PDE1A: variants seen among roughly 807,000 people sequenced by gnomAD.
PDE1A encodes phosphodiesterase 1A.
PDE1A carries 35 observed loss-of-function variants against 61.7 expected under a neutral mutation model. The observed-to-expected ratio is 0.57, with a 90% CI of 0.43 to 0.75. The LOEUF is 0.75. Among genes scored for constraint, PDE1A ranks in the 30% least tolerant of loss-of-function variants. The pLI is 0.00. For missense variants in PDE1A, 597 were observed against 630.6 expected (o/e 0.95, Z 0.57); for synonymous variants, 232 against 213.2 (o/e 1.09, Z -0.77).
At chr2:182,230,125 T>C (rs917433474) in exon 6 of PDE1A, 3 of 1,612,242 alleles carry the variant, frequency 1.9e-6, no homozygotes, top group Non-Finnish European at 1.7e-6. Flanking sequence ...TCTGCAAAGG[T>C]GATTAGGCAA....
chr2:182,594,334 C>A, the PDE1A span, among the ~76,000 whole-genome samples: 1 of 152,202 alleles, frequency 6.6e-6, no homozygotes, highest in African/African-American at 2.4e-5. Context: ...AAGTATGGCA[C>A]TTTGCACAGC....
At chr2:182,243,422 A>G (rs1177170897) in intron 2 of PDE1A, among the ~76,000 whole-genome samples, 3 of 152,152 alleles carry the variant, frequency 2.0e-5, no homozygotes, top group African/African-American at 7.2e-5. Flanking sequence ...TTCCAGATAG[A>G]AAGAAGGGCA....
intron 1 of PDE1A, among the ~76,000 whole-genome samples, chr2:182,354,095 A>G (rs1699042210): frequency 6.6e-6 from 1 of 152,160 alleles, no homozygotes; most frequent in Non-Finnish European, 1.5e-5. Flanking sequence ...CAAAGATGAC[A>G]TGGAGTAGAA....
the PDE1A span, among the ~76,000 whole-genome samples, chr2:182,610,441 C>T: frequency 6.6e-6 from 1 of 152,126 alleles, no homozygotes; most frequent in East Asian, 1.9e-4. Context: ...GTGGTGCTCT[C>T]TGCGGTTGAG....
At chr2:182,329,458 C>G (rs1349488617) in intron 1 of PDE1A, among the ~76,000 whole-genome samples, 1 of 152,012 alleles carries the variant, frequency 6.6e-6, no homozygotes. Context: ...GGGGCAATCT[C>G]GACTCACTGT....
the PDE1A span, among the ~76,000 whole-genome samples, chr2:182,585,093 G>A: frequency 6.6e-6 from 1 of 152,160 alleles, no homozygotes; most frequent in South Asian, 2.1e-4. Flanking sequence ...TTCAGTAGGA[G>A]AATAAGAACT....
intron 1 of PDE1A, among the ~76,000 whole-genome samples, chr2:182,275,653 TGTTTA>T (rs1248019880): frequency 1.3e-5 from 2 of 152,120 alleles, no homozygotes; most frequent in East Asian, 1.9e-4. Context: ...TTAGCAAGGC[TGTTTA>T]GTTAACTTGC....
upstream of PDE1A, among the ~76,000 whole-genome samples, chr2:182,431,503 C>T (rs1703949322): frequency 2.6e-5 from 4 of 152,256 alleles, no homozygotes; most frequent in South Asian, 8.3e-4. Flanking sequence ...CATAACTTTA[C>T]CGCTTTACCT....
intron 10 of PDE1A, among the ~76,000 whole-genome samples, chr2:182,196,655 T>C (rs1016149512): frequency 2.0e-5 from 3 of 151,894 alleles, no homozygotes; most frequent in Non-Finnish European, 4.4e-5. Context: ...CCTACTGTTC[T>C]GATTTCTATC....
intron 1 of PDE1A, among the ~76,000 whole-genome samples, chr2:182,390,683 T>C (rs192614008): frequency 1.3e-5 from 2 of 152,206 alleles, no homozygotes; most frequent in Admixed American, 1.3e-4. Flanking sequence ...CAACAAAAGG[T>C]GCACACTCAG....
chr2:182,413,136 G>C (rs1299636862), intron 1 of PDE1A, among the ~76,000 whole-genome samples: 1 of 152,174 alleles, frequency 6.6e-6, no homozygotes, highest in African/African-American at 2.4e-5. Context: ...TAGCATAAGA[G>C]TTGTGAAAGG....
the PDE1A span, among the ~76,000 whole-genome samples, chr2:182,533,084 G>A: frequency 6.6e-6 from 1 of 152,016 alleles, no homozygotes; most frequent in Non-Finnish European, 1.5e-5. Flanking sequence ...GGCCAAAGCC[G>A]GTGGATCATT....
chr2:182,437,997 G>T (rs1684549998), intron 2 of PDE1A, among the ~76,000 whole-genome samples: 1 of 151,694 alleles, frequency 6.6e-6, no homozygotes, highest in Non-Finnish European at 1.5e-5. Flanking sequence ...TCAATTTTTT[G>T]ACCTTGAGGT....
At chr2:182,450,895 T>C (rs1204240319) in intron 2 of PDE1A, among the ~76,000 whole-genome samples, 1 of 151,966 alleles carries the variant, frequency 6.6e-6, no homozygotes, top group Non-Finnish European at 1.5e-5. Flanking sequence ...TCTGAAACAA[T>C]AGAGAATATC....
chr2:182,570,500 T>C, the PDE1A span, among the ~76,000 whole-genome samples: 1 of 152,180 alleles, frequency 6.6e-6, no homozygotes, highest in Non-Finnish European at 1.5e-5. Context: ...GTCTTTACAA[T>C]GTGAGACAAA....
At chr2:182,577,087 G>A in the PDE1A span, among the ~76,000 whole-genome samples, 1 of 152,018 alleles carries the variant, frequency 6.6e-6, no homozygotes, top group Admixed American at 6.6e-5. Context: ...TTTCAATGTA[G>A]TTTAATTGAT....
the PDE1A span, among the ~76,000 whole-genome samples, chr2:182,608,457 G>A: frequency 6.6e-6 from 1 of 152,204 alleles, no homozygotes; most frequent in South Asian, 2.1e-4. Context: ...AGGAGATGTG[G>A]AGGGAGAGGC....
At chr2:182,470,194 A>G (rs1686939312) in intron 2 of PDE1A, among the ~76,000 whole-genome samples, 1 of 151,912 alleles carries the variant, frequency 6.6e-6, no homozygotes, top group Admixed American at 6.6e-5. Flanking sequence ...AGCCAAGTGT[A>G]ATGAAATGAG....
chr2:182,662,006 T>A, the PDE1A span, among the ~76,000 whole-genome samples: 87 of 151,972 alleles, frequency 5.7e-4, 1 homozygote, highest in African/African-American at 2.0e-3. Flanking sequence ...AAAATTTATA[T>A]GAAAAAAATC....
Sources: allele counts gnomAD v4.1 joint callset (sites outside exome capture counted in the v4.1 genomes callset), GRCh38; gene constraint gnomAD v4.1.1; transcripts MANE v1.5; gene names NCBI Gene and HGNC (gene_info 2026-07-23, HGNC 2026-07-21).